Variants in ADAM2 observed in about 807,000 individuals in gnomAD.
The protein encoded by ADAM2 is disintegrin and metalloproteinase domain-containing protein 2.
ADAM2 carries 101 observed loss-of-function variants against 99.3 expected under a neutral mutation model. That is an observed-to-expected ratio of 1.02 (90% CI 0.87 to 1.20). The LOEUF (loss-of-function observed/expected upper bound fraction) is 1.20. Among genes scored for constraint, ADAM2 ranks in the 50% most tolerant of loss-of-function variants. The pLI, the probability that ADAM2 is intolerant of heterozygous loss-of-function variation, is 0.00. For missense variants in ADAM2, 948 were observed against 878.7 expected, an observed-to-expected ratio of 1.08 and a Z score of -1.00; for synonymous variants, 323 against 287.6, an observed-to-expected ratio of 1.12 and a Z score of -1.25.
At chr8:39,806,553 T>G (rs1312851882) in intron 7 of ADAM2, among the ~76,000 whole-genome samples, 1 of 149,620 alleles carries the variant, frequency 6.7e-6, no homozygotes, top group Non-Finnish European at 1.5e-5. Context: ...AAAATGCAGG[T>G]AATGTAAACT....
At chr8:39,770,428 A>G (rs1222750296) in intron 11 of ADAM2, among the ~76,000 whole-genome samples, 3 of 152,054 alleles carry the variant, frequency 2.0e-5, no homozygotes, top group African/African-American at 7.3e-5. Context: ...TTTTATTGGC[A>G]CCTTAAATAT....
chr8:39,785,388 G>A (rs1172067635), intron 10 of ADAM2, among the ~76,000 whole-genome samples: 1 of 152,178 alleles, frequency 6.6e-6, no homozygotes, highest in Non-Finnish European at 1.5e-5. Flanking sequence ...GAGGCTATGA[G>A]GAAAACAGAC....
intron 6 of ADAM2, among the ~76,000 whole-genome samples, chr8:39,818,292 C>A (rs1225034296): frequency 6.6e-6 from 1 of 151,978 alleles, no homozygotes; most frequent in Non-Finnish European, 1.5e-5. Context: ...ATGCAATACA[C>A]CACATTAACA....
At chr8:39,801,196 T>A (rs550406169) in intron 7 of ADAM2, among the ~76,000 whole-genome samples, 1 of 152,228 alleles carries the variant, frequency 6.6e-6, no homozygotes, top group South Asian at 2.1e-4. Context: ...TGGATGAGGT[T>A]TTTGTGGGGG....
intron 11 of ADAM2, among the ~76,000 whole-genome samples, chr8:39,770,245 C>G (rs978083870): frequency 6.6e-6 from 1 of 152,136 alleles, no homozygotes; most frequent in East Asian, 1.9e-4. Context: ...ACGCGCCCAG[C>G]CCAGGCTTTT....
At chr8:39,792,109 A>G (rs1258944197) in intron 7 of ADAM2, among the ~76,000 whole-genome samples, 5 of 151,938 alleles carry the variant, frequency 3.3e-5, no homozygotes, top group Non-Finnish European at 7.4e-5. Context: ...CAGCTCCAAG[A>G]AACCCAAGGC....
rs1461240244 is a variant in ADAM2, at chr8:39,821,069, T to C, written c.446A>G (p.Asp149Gly). The change falls in exon 6 of 21, where the codon GAT (aspartate) becomes GGT (glycine). Residue 149 changes from aspartate to glycine, a missense_variant. By Grantham distance (94) the Asp-to-Gly change is moderately conservative. Transcript: ENST00000265708. Reference protein sequence around the residue: ...VIYQVKHKKADVSLYNEKDIE... With the variant: ...VIYQVKHKKAGVSLYNEKDIE... ...ATCCTTCTCATTATATAAGGAAACA[T>C]CTGCTTTCTTATGTTTTACTTGGTA... is the stretch of plus-strand genomic sequence containing the variant. 3.7e-6 allele frequency: 6 copies of C among 1,604,996 alleles called. No homozygotes were observed. Among genetic ancestry groups the C allele is most frequent in the Non-Finnish European group, 5.1e-6 (6 of 1,172,246 alleles).
intron 3 of ADAM2, 90 bp from the exon 4 acceptor site, chr8:39,824,987 A>G (rs1039060559): frequency 9.1e-6 from 6 of 659,180 alleles, no homozygotes; most frequent in Non-Finnish European, 1.6e-5. Flanking sequence ...GTAGGTTGAC[A>G]CAGAAAGAGC....
chr8:39,830,670 C>T (rs1283854859), intron 3 of ADAM2, among the ~76,000 whole-genome samples: 1 of 151,930 alleles, frequency 6.6e-6, no homozygotes, highest in African/African-American at 2.4e-5. Flanking sequence ...AGCATGAGAA[C>T]ACATTATTTA....
chr8:39,820,627 A>G lies in ADAM2; in HGVS notation c.513+375T>C, dbSNP rs571720549. Among the ~76,000 whole-genome samples, 43 of 152,246 alleles carry G rather than the reference A, an allele frequency of 2.8e-4. 2 individuals carry two copies. The East Asian group carries it at 7.9e-3, about 28-fold the overall frequency. ...TCCCCTGAGGCAGTTCCCTTACAAG[A>G]TAGGGGTGACTCTCCTCAGGACCCT... is the stretch of plus-strand genomic sequence containing the variant. On this transcript the variant is annotated intron_variant, in intron 6 of 20. Transcript: ENST00000265708.
intron 3 of ADAM2, among the ~76,000 whole-genome samples, chr8:39,826,709 C>T (rs1254908008): frequency 7.1e-6 from 1 of 141,206 alleles, no homozygotes; most frequent in African/African-American, 2.7e-5. Flanking sequence ...GGCTACAGAG[C>T]GAGAAAAAAA....
At chr8:39,744,960 C>T (rs1169805737) in intron 19 of ADAM2, 67 bp from the exon 20 acceptor site, 14 of 1,292,974 alleles carry the variant, frequency 1.1e-5, no homozygotes, top group Non-Finnish European at 1.4e-5. Flanking sequence ...TCTGTATTAT[C>T]TGTCAGTCTT....
At chr8:39,768,066 A>G (rs1802639210) in intron 12 of ADAM2, among the ~76,000 whole-genome samples, 2 of 152,152 alleles carry the variant, frequency 1.3e-5, no homozygotes, top group African/African-American at 4.8e-5. Context: ...AGTTGTCAGT[A>G]TTTTTCACAG....
chr8:39,791,273 G>A (rs555140308), intron 7 of ADAM2, among the ~76,000 whole-genome samples: 1 of 152,078 alleles, frequency 6.6e-6, no homozygotes, highest in Non-Finnish European at 1.5e-5. Context: ...TAGTAAGAAT[G>A]TCCTCTCTGC....
intron 12 of ADAM2, among the ~76,000 whole-genome samples, chr8:39,767,753 T>C (rs2129584159): frequency 6.6e-6 from 1 of 152,290 alleles, no homozygotes; most frequent in Admixed American, 6.5e-5. Flanking sequence ...AATGCTGAAG[T>C]TGTCACCTTT....
Position 39,809,407 on chromosome 8 carries a change from T to G in ADAM2, c.570+3A>C, listed in dbSNP as rs772152120. 2.6e-6 allele frequency: 3 copies of G among 1,173,404 alleles called. No homozygotes were observed. Among genetic ancestry groups the G allele is most frequent in the Admixed American group, 3.8e-5 (2 of 52,912 alleles). 72.7% of individuals were successfully genotyped at this position (1,173,404 alleles called of 1,614,324 possible). A position where few individuals can be genotyped will look rare whatever the true frequency, so the allele number is the denominator to read the frequency against. On this transcript the variant is annotated splice_donor_region_variant and intron_variant, in intron 7 of 20. Coordinates refer to ENST00000265708, the MANE Select transcript of ADAM2 (RefSeq NM_001464.5). ...GGACATAAATAAATCAGAATATACTTACCAATTGTTTTTCAACTATAACAT... is the reference window on the plus strand; with the variant it reads ...GGACATAAATAAATCAGAATATACTGACCAATTGTTTTTCAACTATAACAT...
chr8:39,755,469 G>A (rs769579365), intron 16 of ADAM2, among the ~76,000 whole-genome samples: 3 of 152,182 alleles, frequency 2.0e-5, no homozygotes, highest in Non-Finnish European at 4.4e-5. Flanking sequence ...GAGGTCAGGA[G>A]TTTGAGATCA....
At chr8:39,773,331 G>A (rs1032592141) in intron 11 of ADAM2, among the ~76,000 whole-genome samples, 1 of 151,398 alleles carries the variant, frequency 6.6e-6, no homozygotes, top group Non-Finnish European at 1.5e-5. Context: ...AGCTTTAAAG[G>A]GTTTACACAA....
intron 11 of ADAM2, among the ~76,000 whole-genome samples, chr8:39,773,351 A>C (rs1396314888): frequency 6.6e-6 from 1 of 151,836 alleles, no homozygotes; most frequent in Non-Finnish European, 1.5e-5. Context: ...AAAAGAAGGG[A>C]GGTTATTTGA....
Sources: gnomAD v4.1 joint callset for allele counts (sites outside exome capture counted in the v4.1 genomes callset) on GRCh38, gnomAD v4.1.1 for gene constraint, MANE v1.5 for transcripts, NCBI Gene and HGNC (gene_info 2026-07-23, HGNC 2026-07-21) for gene names.